C8orf34: variants seen among roughly 807,000 people sequenced by gnomAD.
C8orf34 encodes the protein chromosome 8 open reading frame 34.
Under a neutral mutation model 68.3 loss-of-function variants are expected in C8orf34, and 65 were observed. The ratio of observed to expected loss-of-function variants is 0.95; its 90% confidence interval spans 0.78 to 1.17. The LOEUF is 1.17. Ranked by LOEUF, C8orf34 falls within the 50% of genes most tolerant of loss-of-function variation. C8orf34 has a pLI of 0.00. For synonymous variants in C8orf34, 244 were observed against 241.2 expected, an observed-to-expected ratio of 1.01 and a Z score of -0.11; for missense variants, 664 against 655.4, an observed-to-expected ratio of 1.01 and a Z score of -0.14.
intron 12 of C8orf34, among the ~76,000 whole-genome samples, chr8:68,796,822 CT>C (rs372049123): frequency 0.035 from 4,282 of 122,626 alleles, 64 homozygotes; most frequent in East Asian, 0.1. Context: ...TTGAGTTCTT[CT>C]TTTTTTTTTT....
At chr8:68,574,181 C>T (rs1414050945) in intron 7 of C8orf34, among the ~76,000 whole-genome samples, 10 of 151,944 alleles carry the variant, frequency 6.6e-5, no homozygotes, top group Admixed American at 6.6e-4. Context: ...GCTGCTATTT[C>T]AACATCTGTA....
At chr8:68,337,916 C>G (rs1805917775) in intron 1 of C8orf34, among the ~76,000 whole-genome samples, 1 of 152,116 alleles carries the variant, frequency 6.6e-6, no homozygotes, top group South Asian at 2.1e-4. Context: ...CACAAGAGTG[C>G]TGGAACATAA....
intron 9 of C8orf34, among the ~76,000 whole-genome samples, chr8:68,720,544 A>G (rs1214169432): frequency 1.3e-5 from 2 of 151,946 alleles, no homozygotes; most frequent in Non-Finnish European, 2.9e-5. Context: ...ATTAATAAAT[A>G]TAAGAAATTA....
In C8orf34 at chr8:68,794,867, T is replaced by C. The variant is rs1824131782; in HGVS notation, c.1549+7331T>C. ...TCTAAAATCTGAAATCAGCATTTCC[T>C]TTGTACGTCATGTCAATGCTCAAAA... On this transcript the variant is annotated intron_variant, in intron 12 of 13. Coordinates refer to ENST00000518698, the MANE Select transcript of C8orf34 (RefSeq NM_052958.4). 2.6e-5 allele frequency among the ~76,000 whole-genome samples: 4 copies of C among 152,244 alleles called. No individual in the cohort carries two copies. In the South Asian group the frequency reaches 8.3e-4, roughly 32 times the overall value.
intron 10 of C8orf34, among the ~76,000 whole-genome samples, chr8:68,738,806 C>CA (rs959589950): frequency 2.0e-5 from 3 of 151,628 alleles, no homozygotes; most frequent in African/African-American, 4.8e-5. Context: ...ACCTACCAAC[C>CA]AAAAAAAGGC....
chr8:68,525,957 T>TTTC (rs386412982), intron 6 of C8orf34: 12 of 48,072 alleles, frequency 2.5e-4, no homozygotes, highest in East Asian at 2.0e-3. Flanking sequence ...TCTTTCTTTC[T>TTTC]TTTTTTTTTT....
At chr8:68,525,315 A>G (rs1202042727) in intron 6 of C8orf34, among the ~76,000 whole-genome samples, 1 of 152,250 alleles carries the variant, frequency 6.6e-6, no homozygotes, top group Admixed American at 6.5e-5. Context: ...GGAAATTTTA[A>G]GCATAAATAA....
At chr8:68,635,333 G>A (rs1403072532) in intron 7 of C8orf34, among the ~76,000 whole-genome samples, 1 of 152,152 alleles carries the variant, frequency 6.6e-6, no homozygotes, top group Non-Finnish European at 1.5e-5. Context: ...TATCCTCAAA[G>A]GTAATGAGGG....
At position 68,576,965 on chromosome 8, in the gene C8orf34, T is replaced by G. The variant is rs188208737; in HGVS notation, c.1105+43816T>G. Among the ~76,000 whole-genome samples, 130 of 152,170 alleles carry G rather than the reference T, an allele frequency of 8.5e-4. 5 individuals carry two copies. The East Asian group carries it at 0.017, about 20-fold the overall frequency. ...ACATTTATATCCTTATATTTATTAC[T>G]TAGCTGATTATGTATAATATTTGTA... On this transcript the variant is annotated intron_variant, in intron 7 of 13. Coordinates refer to ENST00000518698, the MANE Select transcript of C8orf34 (RefSeq NM_052958.4).
chr8:68,659,007 A>G (rs1296379842), intron 8 of C8orf34, among the ~76,000 whole-genome samples: 1 of 151,936 alleles, frequency 6.6e-6, no homozygotes, highest in Non-Finnish European at 1.5e-5. Context: ...GTACTTTACA[A>G]TTTTTGTAAA....
At chr8:68,539,314 G>T (rs766840425) in intron 7 of C8orf34, among the ~76,000 whole-genome samples, 6 of 152,154 alleles carry the variant, frequency 3.9e-5, no homozygotes, top group Non-Finnish European at 5.9e-5. Flanking sequence ...AAAGTCATTT[G>T]AAAGCAGTGC....
intron 1 of C8orf34, among the ~76,000 whole-genome samples, chr8:68,390,494 C>T (rs1452633787): frequency 6.6e-6 from 1 of 152,146 alleles, no homozygotes; most frequent in Non-Finnish European, 1.5e-5. Flanking sequence ...TCAGGACAGA[C>T]TATGTATGGT....
At chr8:68,469,432 G>A (rs1000270342) in intron 4 of C8orf34, among the ~76,000 whole-genome samples, 11 of 151,870 alleles carry the variant, frequency 7.2e-5, no homozygotes, top group South Asian at 4.2e-4. Flanking sequence ...TGATTATGCC[G>A]CCTTCCTCTG....
intron 8 of C8orf34, among the ~76,000 whole-genome samples, chr8:68,657,341 AGCTCTCAT>A (rs1014287726): frequency 6.6e-6 from 1 of 152,134 alleles, no homozygotes; most frequent in Non-Finnish European, 1.5e-5. Context: ...ATAAGGGTGG[AGCTCTCAT>A]GCATGGAATT....
intron 9 of C8orf34, among the ~76,000 whole-genome samples, 160 bp from the exon 10 acceptor site, chr8:68,721,201 A>G (rs1585780122): frequency 6.6e-6 from 1 of 152,096 alleles, no homozygotes; most frequent in East Asian, 1.9e-4. Context: ...AGTTGTTTTT[A>G]AGCTAAATAT....
chr8:68,743,930 AG>A (rs1822389496), intron 10 of C8orf34, among the ~76,000 whole-genome samples: 1 of 152,218 alleles, frequency 6.6e-6, no homozygotes, highest in South Asian at 2.1e-4. Flanking sequence ...CTCTGGGGGC[AG>A]GGCACAGACA....
At chr8:68,425,724 G>T (rs1165293119) in intron 1 of C8orf34, among the ~76,000 whole-genome samples, 2 of 133,520 alleles carry the variant, frequency 1.5e-5, no homozygotes, top group African/African-American at 5.0e-5. Flanking sequence ...AAACAGTTTT[G>T]GAAGGAAAAA....
chr8:68,709,352 C>G (rs1369228), intron 9 of C8orf34, among the ~76,000 whole-genome samples: 13,718 of 152,162 alleles, frequency 0.09, 654 homozygotes, highest in Middle Eastern at 0.15. Context: ...TGGCTACTCC[C>G]TAAACTATGT....
At chr8:68,614,570 C>G (rs1159106001) in intron 7 of C8orf34, among the ~76,000 whole-genome samples, 2 of 152,030 alleles carry the variant, frequency 1.3e-5, no homozygotes, top group Admixed American at 1.3e-4. Flanking sequence ...GCTTGTTTTT[C>G]TCAGGTTTGT....
Sources: allele counts gnomAD v4.1 joint callset (sites outside exome capture counted in the v4.1 genomes callset), GRCh38; gene constraint gnomAD v4.1.1; transcripts MANE v1.5; gene names NCBI Gene and HGNC (gene_info 2026-07-23, HGNC 2026-07-21).